The following MGAT5 variants were observed in gnomAD, a reference collection of about 807,000 sequenced individuals.
The protein encoded by MGAT5 is alpha-1,6-mannosylglycoprotein 6-beta-N-acetylglucosaminyltransferase A.
Under a neutral mutation model 94.3 loss-of-function variants are expected in MGAT5, and 30 were observed. The observed-to-expected ratio is 0.32, with a 90% confidence interval of 0.24 to 0.43. The LOEUF is 0.43. MGAT5 is among the 20% of genes least tolerant of loss of function. The pLI is 1.00. For missense variants in MGAT5, 691 were observed against 905.5 expected (o/e 0.76, Z 3.04); for synonymous variants, 310 against 322.9 (o/e 0.96, Z 0.43).
At chr2:134,293,688 T>TC (rs1328974019) in intron 2 of MGAT5, among the ~76,000 whole-genome samples, 1 of 152,158 alleles carries the variant, frequency 6.6e-6, no homozygotes, top group Non-Finnish European at 1.5e-5. Context: ...CAGGCTGGTC[T>TC]CAAACTCCTG....
At chr2:134,175,518 T>C (rs1688419784) in intron 1 of MGAT5, among the ~76,000 whole-genome samples, 2 of 152,130 alleles carry the variant, frequency 1.3e-5, no homozygotes, top group South Asian at 4.1e-4. Context: ...TGTTGTTAGG[T>C]CACTGCCATC....
At chr2:134,150,230 T>C (rs1687110452) in intron 1 of MGAT5, among the ~76,000 whole-genome samples, 1 of 152,166 alleles carries the variant, frequency 6.6e-6, no homozygotes, top group Admixed American at 6.5e-5. Context: ...AGCGTCTTGA[T>C]AGTAGTGTGT....
chr2:134,393,059 A>G (rs1057259023), intron 10 of MGAT5, among the ~76,000 whole-genome samples: 4 of 152,252 alleles, frequency 2.6e-5, no homozygotes, highest in African/African-American at 9.6e-5. Flanking sequence ...CCTTCACATA[A>G]TAATTTAAAA....
intron 10 of MGAT5, among the ~76,000 whole-genome samples, chr2:134,374,973 A>T (rs758582939): frequency 7.2e-5 from 11 of 151,786 alleles, no homozygotes; most frequent in Admixed American, 3.3e-4. Context: ...ATAAATCGAG[A>T]CTCTTGCTCT....
intron 1 of MGAT5, among the ~76,000 whole-genome samples, chr2:134,259,557 C>G (rs1683189744): frequency 6.6e-6 from 1 of 152,210 alleles, no homozygotes; most frequent in African/African-American, 2.4e-5. Context: ...AAGCTGCCAG[C>G]TCAGGCTCAA....
chr2:134,276,387 A>G (rs1317170299), intron 2 of MGAT5, among the ~76,000 whole-genome samples: 6 of 152,220 alleles, frequency 3.9e-5, no homozygotes, highest in African/African-American at 1.2e-4. Flanking sequence ...CCGGATAACA[A>G]TGGTACAAAG....
chr2:134,225,021 G>T (rs1680984525), intron 1 of MGAT5, among the ~76,000 whole-genome samples: 1 of 141,222 alleles, frequency 7.1e-6, no homozygotes, highest in South Asian at 2.3e-4. Context: ...GGAGGCTTCA[G>T]TGAGCTATGA....
Position 134,429,016 on chromosome 2 carries a change from C to G in MGAT5, c.1869+577C>G, listed in dbSNP as rs540517686. ...AGAAGTAAAGGCCAGGAGCCTGTTG[C>G]TATCATTTTATAGCATTTTAATTCC... is the stretch of plus-strand genomic sequence containing the variant. On this transcript the variant is annotated intron_variant, in intron 14 of 15. Coordinates refer to ENST00000281923, the MANE Select transcript of MGAT5 (RefSeq NM_002410.5). 2.0e-5 allele frequency among the ~76,000 whole-genome samples: 3 copies of G among 152,270 alleles called. No individual in the cohort carries two copies. The South Asian group carries it at 6.2e-4, about 32-fold the overall frequency.
intron 1 of MGAT5, among the ~76,000 whole-genome samples, chr2:134,209,152 A>ATTTTTTT (rs869116395): frequency 1.9e-4 from 4 of 20,774 alleles, no homozygotes; most frequent in Non-Finnish European, 2.6e-4. Flanking sequence ...TTTTTTTTTT[A>ATTTTTTT]TTTTTTTTTT....
chr2:134,156,664 T>C (rs371092094), intron 1 of MGAT5, among the ~76,000 whole-genome samples: 1 of 152,312 alleles, frequency 6.6e-6, no homozygotes, highest in South Asian at 2.1e-4. Flanking sequence ...GTGCCCCTTT[T>C]ACCTGACGAG....
intron 1 of MGAT5, among the ~76,000 whole-genome samples, chr2:134,221,398 G>C (rs1225331232): frequency 6.6e-6 from 1 of 152,166 alleles, no homozygotes; most frequent in East Asian, 1.9e-4. Flanking sequence ...AAATATTCAG[G>C]TTAAGGTAAA....
intron 4 of MGAT5, among the ~76,000 whole-genome samples, chr2:134,329,753 T>C (rs1687852158): frequency 6.6e-6 from 1 of 152,034 alleles, no homozygotes; most frequent in South Asian, 2.1e-4. Flanking sequence ...TCCTAGTACA[T>C]CGCAACTTTT....
intron 1 of MGAT5, among the ~76,000 whole-genome samples, chr2:134,224,824 A>G (rs1310795666): frequency 6.6e-6 from 1 of 152,202 alleles, no homozygotes; most frequent in Non-Finnish European, 1.5e-5. Flanking sequence ...CATACCTGTT[A>G]TCCCAGCACT....
At chr2:134,419,434 T>C (rs1684158506) in intron 12 of MGAT5, among the ~76,000 whole-genome samples, 1 of 125,868 alleles carries the variant, frequency 7.9e-6, no homozygotes, top group Non-Finnish European at 1.7e-5. Flanking sequence ...ATACTCTGGC[T>C]TCAGGGTTTG....
At chr2:134,367,619 C>A (rs1454826933) in intron 10 of MGAT5, among the ~76,000 whole-genome samples, 1 of 152,262 alleles carries the variant, frequency 6.6e-6, no homozygotes, top group Non-Finnish European at 1.5e-5. Context: ...AACCAGCTCT[C>A]TCTCAGAACA....
intron 1 of MGAT5, among the ~76,000 whole-genome samples, chr2:134,236,450 G>A (rs1029055111): frequency 2.6e-5 from 4 of 152,102 alleles, no homozygotes; most frequent in Non-Finnish European, 5.9e-5. Context: ...CACATGTGTC[G>A]TGGGAGGTAA....
chr2:134,403,996 A>G (rs1324215697), intron 11 of MGAT5, among the ~76,000 whole-genome samples: 2 of 152,224 alleles, frequency 1.3e-5, no homozygotes, highest in Non-Finnish European at 2.9e-5. Context: ...TACCAAATGA[A>G]GTTCGGGAAC....
At chr2:134,258,743 G>A (rs2105543836) in intron 1 of MGAT5, among the ~76,000 whole-genome samples, 1 of 152,328 alleles carries the variant, frequency 6.6e-6, no homozygotes, top group Admixed American at 6.5e-5. Context: ...CTTCTAAGTG[G>A]CAGGTCGAGA....
At chr2:134,283,645 CTTT>C (rs35922830) in intron 2 of MGAT5, among the ~76,000 whole-genome samples, 9,656 of 68,196 alleles carry the variant, frequency 0.14, 331 homozygotes, top group Middle Eastern at 0.26. Context: ...AATGTAGTAT[CTTT>C]TTTTTTTTTT....
Sources: gnomAD v4.1 joint callset for allele counts (sites outside exome capture counted in the v4.1 genomes callset) on GRCh38, gnomAD v4.1.1 for gene constraint, MANE v1.5 for transcripts, NCBI Gene and HGNC (gene_info 2026-07-23, HGNC 2026-07-21) for gene names.